ZMYND8: variants seen among roughly 807,000 people sequenced by gnomAD.
ZMYND8 encodes the protein MYND-type zinc finger-containing chromatin reader ZMYND8.
In ZMYND8, 37 loss-of-function variants were observed where a neutral mutation model predicts 140.8. That is an observed-to-expected ratio of 0.26 (90% CI 0.20 to 0.35). The LOEUF (loss-of-function observed/expected upper bound fraction) is 0.35. Among genes scored for constraint, ZMYND8 ranks in the 10% least tolerant of loss-of-function variants. ZMYND8 has a pLI of 1.00. For missense variants in ZMYND8, 1,068 were observed against 1,570.0 expected (o/e 0.68, Z 5.40); for synonymous variants, 592 against 597.1 (o/e 0.99, Z 0.12).
At chr20:47,246,638 A>C in intron 13 of ZMYND8, 121 bp from the exon 14 acceptor site, 1 of 1,377,404 alleles carries the variant, frequency 7.3e-7, no homozygotes, top group Non-Finnish European at 9.6e-7. Flanking sequence ...AAATCGCATC[A>C]CATTGGCCTA....
At chr20:47,267,494 G>GGT (rs1569042257) in intron 11 of ZMYND8, among the ~76,000 whole-genome samples, 1 of 102,748 alleles carries the variant, frequency 9.7e-6, no homozygotes, top group African/African-American at 4.6e-5. Context: ...TCAGGGCCGG[G>GGT]GCGGGGGGGG....
intron 2 of ZMYND8, among the ~76,000 whole-genome samples, chr20:47,324,974 G>A (rs1329324878): frequency 2.0e-5 from 3 of 152,102 alleles, no homozygotes; most frequent in Non-Finnish European, 2.9e-5. Context: ...GTGTGACCTT[G>A]GCTCACTGCA....
chr20:47,321,230 C>T (rs1477003643), intron 2 of ZMYND8, among the ~76,000 whole-genome samples: 2 of 152,190 alleles, frequency 1.3e-5, no homozygotes, highest in African/African-American at 4.8e-5. Flanking sequence ...CCCTTGTACC[C>T]GGCATACAGC....
At chr20:47,218,783 T>C (rs1457411613) in intron 21 of ZMYND8, among the ~76,000 whole-genome samples, 3 of 152,150 alleles carry the variant, frequency 2.0e-5, no homozygotes, top group Non-Finnish European at 4.4e-5. Context: ...CAAGCTCATA[T>C]TACTCCCTCT....
intron 11 of ZMYND8, among the ~76,000 whole-genome samples, chr20:47,263,324 A>G (rs1417555297): frequency 1.5e-4 from 23 of 152,236 alleles, no homozygotes; most frequent in Admixed American, 1.5e-3. Flanking sequence ...AGCAAGAAAC[A>G]TTCTGAGTTG....
chr20:47,234,737 T>C (rs900244379), intron 16 of ZMYND8, among the ~76,000 whole-genome samples: 3 of 148,966 alleles, frequency 2.0e-5, no homozygotes, highest in Non-Finnish European at 4.5e-5. Flanking sequence ...CTCATTTGTG[T>C]AAAAAAAAAA....
intron 7 of ZMYND8, among the ~76,000 whole-genome samples, chr20:47,289,415 A>T (rs983698942): frequency 6.6e-6 from 1 of 152,214 alleles, no homozygotes; most frequent in Non-Finnish European, 1.5e-5. Context: ...GTAGTAAGTT[A>T]AATAAAATCC....
intron 5 of ZMYND8, among the ~76,000 whole-genome samples, chr20:47,292,316 C>T (rs1304962181): frequency 6.6e-6 from 1 of 152,094 alleles, no homozygotes; most frequent in Admixed American, 6.5e-5. Context: ...GACAAATCTA[C>T]ATGACTCATT....
intron 10 of ZMYND8, among the ~76,000 whole-genome samples, 161 bp from the exon 11 acceptor site, chr20:47,276,956 C>A (rs1484187996): frequency 2.0e-5 from 3 of 149,664 alleles, no homozygotes; most frequent in African/African-American, 4.9e-5. Context: ...AATTAATGAT[C>A]CATTTAACAA....
At chr20:47,214,424 A>T (rs1398243668) in intron 21 of ZMYND8, among the ~76,000 whole-genome samples, 1 of 152,140 alleles carries the variant, frequency 6.6e-6, no homozygotes, top group African/African-American at 2.4e-5. Context: ...CTTTCTGACC[A>T]TGGGCTCCAT....
chr20:47,229,890 A>G (rs1025873672), intron 16 of ZMYND8, 84 bp from the exon 17 acceptor site: 1 of 1,267,238 alleles, frequency 7.9e-7, no homozygotes, highest in Admixed American at 2.4e-5. Context: ...CTATCTGTAT[A>G]AAGCAGAGGT....
intron 10 of ZMYND8, among the ~76,000 whole-genome samples, chr20:47,279,138 A>G (rs2076440951): frequency 6.6e-6 from 1 of 152,066 alleles, no homozygotes; most frequent in East Asian, 1.9e-4. Flanking sequence ...TTTCCATGAA[A>G]TTGCTTGGCA....
intron 21 of ZMYND8, among the ~76,000 whole-genome samples, chr20:47,217,016 G>A (rs1018331725): frequency 2.0e-5 from 3 of 152,118 alleles, no homozygotes; most frequent in African/African-American, 7.2e-5. Context: ...AATCAAAAGC[G>A]GAAAGCTGGG....
chr20:47,288,974 C>T (rs560977253), intron 7 of ZMYND8, among the ~76,000 whole-genome samples: 74 of 152,114 alleles, frequency 4.9e-4, no homozygotes, highest in African/African-American at 2.6e-4. Flanking sequence ...TGGTGGCACA[C>T]GCCTGTAATC....
At chr20:47,325,157 G>A (rs965096582) in intron 2 of ZMYND8, among the ~76,000 whole-genome samples, 2 of 152,068 alleles carry the variant, frequency 1.3e-5, no homozygotes, top group African/African-American at 4.8e-5. Context: ...CACCCACCTC[G>A]GCCTCCCAAA....
intron 3 of ZMYND8, 72 bp from the exon 4 acceptor site, chr20:47,299,019 A>G: frequency 1.4e-6 from 2 of 1,393,936 alleles, no homozygotes; most frequent in South Asian, 1.2e-5. Context: ...TTGAACAAGT[A>G]CATCAATAAC....
At chr20:47,266,869 C>G (rs1454681005) in intron 11 of ZMYND8, among the ~76,000 whole-genome samples, 1 of 152,046 alleles carries the variant, frequency 6.6e-6, no homozygotes, top group Non-Finnish European at 1.5e-5. Context: ...AACAGATCTA[C>G]AATATTTTCA....
At position 47,246,482 on chromosome 20, in the gene ZMYND8, C is replaced by T. The variant is rs776722287; in HGVS notation, c.1810G>A (p.Val604Ile). 5 of 1,611,504 alleles carry T rather than the reference C, an allele frequency of 3.1e-6. No individual in the cohort carries two copies. Among genetic ancestry groups the T allele is most frequent in the Admixed American group, 1.7e-5 (1 of 59,708 alleles). Residue 604 changes from valine (V) to isoleucine (I), a missense_variant, in exon 14 of 23, where the codon GTA (valine) becomes ATA (isoleucine). By Grantham distance (29) the Val-to-Ile change is conservative. Transcript: ENST00000471951. ...NEISEDVYTA[V>I]EHSDSEDSEK... Reference sequence around the variant, plus strand: ...GAATCCTCCGAATCGCTGTGCTCTACGGCCGTATAGACATCTTCCGAGATT... The same window carrying T: ...GAATCCTCCGAATCGCTGTGCTCTATGGCCGTATAGACATCTTCCGAGATT...
At chr20:47,303,950 C>G (rs972366753) in intron 3 of ZMYND8, among the ~76,000 whole-genome samples, 1 of 152,200 alleles carries the variant, frequency 6.6e-6, no homozygotes, top group Admixed American at 6.6e-5. Context: ...TTGCTGAGAG[C>G]TAGATGCCTG....
Sources: gnomAD v4.1 joint callset for allele counts (sites outside exome capture counted in the v4.1 genomes callset) on GRCh38, gnomAD v4.1.1 for gene constraint, MANE v1.5 for transcripts, NCBI Gene and HGNC (gene_info 2026-07-23, HGNC 2026-07-21) for gene names.